CNTN3: variants seen among roughly 807,000 people sequenced by gnomAD.
CNTN3 encodes contactin 3.
Under a neutral mutation model 119.1 loss-of-function variants are expected in CNTN3, and 60 were observed. The ratio of observed to expected loss-of-function variants is 0.50; its 90% CI spans 0.41 to 0.62. CNTN3 has a LOEUF of 0.62. Ranked by LOEUF, CNTN3 falls within the 20% of genes least tolerant of loss-of-function variation. CNTN3 has a pLI of 0.00. For missense variants in CNTN3, 1,101 were observed against 1,242.4 expected (o/e 0.89, Z 1.71); for synonymous variants, 450 against 438.7 (o/e 1.03, Z -0.32).
chr3:74,424,653 C>T (rs1350302879), intron 5 of CNTN3, among the ~76,000 whole-genome samples, 192 bp downstream of exon 5: 2 of 152,094 alleles, frequency 1.3e-5, no homozygotes, highest in African/African-American at 4.8e-5. Flanking sequence ...GTCAATGAGT[C>T]GATTGTTTAG....
intron 11 of CNTN3, among the ~76,000 whole-genome samples, chr3:74,359,343 A>AT (rs1208514434): frequency 2.6e-5 from 4 of 152,200 alleles, no homozygotes; most frequent in African/African-American, 9.7e-5. Flanking sequence ...CTAAATCCTG[A>AT]TTTTGCAGCG....
chr3:74,557,029 T>C (rs1405217226), intron 1 of CNTN3, among the ~76,000 whole-genome samples: 2 of 152,146 alleles, frequency 1.3e-5, no homozygotes, highest in Admixed American at 6.6e-5. Context: ...TGTATTCTAA[T>C]ATAAGTCCCT....
At chr3:74,537,093 T>C (rs1247725090) in intron 1 of CNTN3, among the ~76,000 whole-genome samples, 2 of 152,038 alleles carry the variant, frequency 1.3e-5, no homozygotes, top group East Asian at 1.9e-4. Context: ...CATACTCTTA[T>C]GGAGGAGGAA....
intron 4 of CNTN3, among the ~76,000 whole-genome samples, chr3:74,479,983 T>C (rs1027320183): frequency 1.8e-4 from 27 of 152,102 alleles, no homozygotes; most frequent in African/African-American, 6.5e-4. Context: ...AGAAAAATCA[T>C]GCATGAAAGG....
chr3:74,414,962 T>C (rs1176775684), intron 5 of CNTN3, among the ~76,000 whole-genome samples: 1 of 148,850 alleles, frequency 6.7e-6, no homozygotes, highest in Admixed American at 6.8e-5. Context: ...GCCTTTACCA[T>C]TCTTGACTTA....
At chr3:74,548,912 G>A (rs1171823181) in intron 1 of CNTN3, among the ~76,000 whole-genome samples, 1 of 152,070 alleles carries the variant, frequency 6.6e-6, no homozygotes, top group Non-Finnish European at 1.5e-5. Context: ...TACATTCATG[G>A]TCTTACCCTA....
At chr3:74,481,957 A>G (rs1048319824) in intron 4 of CNTN3, among the ~76,000 whole-genome samples, 1 of 151,818 alleles carries the variant, frequency 6.6e-6, no homozygotes, top group Non-Finnish European at 1.5e-5. Flanking sequence ...AATGGATAAA[A>G]TTCCTGGAAA....
chr3:74,518,734 G>A (rs563446629), intron 2 of CNTN3, among the ~76,000 whole-genome samples: 2 of 152,048 alleles, frequency 1.3e-5, no homozygotes, highest in East Asian at 1.9e-4. Flanking sequence ...ATTAAGGGAA[G>A]ACTAGTACAG....
chr3:74,591,362 G>T (rs1364109260), intron 1 of CNTN3, among the ~76,000 whole-genome samples: 1 of 151,882 alleles, frequency 6.6e-6, no homozygotes, highest in African/African-American at 2.4e-5. Flanking sequence ...ATGCCAGGTT[G>T]GCAGTTTTTT....
intron 1 of CNTN3, among the ~76,000 whole-genome samples, chr3:74,572,650 C>A (rs939836832): frequency 1.3e-5 from 2 of 152,198 alleles, no homozygotes; most frequent in Non-Finnish European, 2.9e-5. Context: ...TTCTCTGTAA[C>A]AGCCAGGAAA....
At chr3:74,386,093 G>A (rs74514135) in intron 5 of CNTN3, among the ~76,000 whole-genome samples, 1,604 of 152,248 alleles carry the variant, frequency 0.011, 21 homozygotes, top group African/African-American at 0.037. Flanking sequence ...ATAGTTGGAA[G>A]GATCTGAATC....
chr3:74,567,021 A>G (rs958637520), intron 1 of CNTN3, among the ~76,000 whole-genome samples: 3 of 152,204 alleles, frequency 2.0e-5, no homozygotes, highest in Non-Finnish European at 4.4e-5. Context: ...CATAGAAGTC[A>G]GCCTCTTGGG....
At chr3:74,433,877 A>C (rs1166044768) in intron 4 of CNTN3, among the ~76,000 whole-genome samples, 1 of 151,866 alleles carries the variant, frequency 6.6e-6, no homozygotes, top group African/African-American at 2.4e-5. Flanking sequence ...ATATTTTCCC[A>C]CCTTGTTCTT....
chr3:74,453,226 C>A (rs1702195470), intron 4 of CNTN3, among the ~76,000 whole-genome samples: 1 of 137,058 alleles, frequency 7.3e-6, no homozygotes, highest in East Asian at 2.0e-4. Flanking sequence ...GATTCAACTT[C>A]TTCCTGGTTT....
intron 4 of CNTN3, among the ~76,000 whole-genome samples, chr3:74,485,920 G>A (rs975781673): frequency 1.3e-5 from 2 of 151,986 alleles, no homozygotes; most frequent in Non-Finnish European, 2.9e-5. Flanking sequence ...CTGTGCTGAG[G>A]GTAATTTGTG....
intron 1 of CNTN3, among the ~76,000 whole-genome samples, chr3:74,556,846 A>G (rs1704076972): frequency 6.6e-6 from 1 of 152,148 alleles, no homozygotes; most frequent in Non-Finnish European, 1.5e-5. Flanking sequence ...ATGGGTGTGA[A>G]ATATATTTCA....
At chr3:74,449,889 T>C (rs1446989441) in intron 4 of CNTN3, among the ~76,000 whole-genome samples, 1 of 152,298 alleles carries the variant, frequency 6.6e-6, no homozygotes, top group East Asian at 1.9e-4. Flanking sequence ...AAAAGAAGTA[T>C]TTTAATGTTC....
intron 11 of CNTN3, among the ~76,000 whole-genome samples, chr3:74,352,024 A>G (rs1479779746): frequency 6.6e-6 from 1 of 152,194 alleles, no homozygotes; most frequent in African/African-American, 2.4e-5. Flanking sequence ...CATCTCAATC[A>G]TCTCTTTAAG....
Position 74,485,880 on chromosome 3 carries a change from T to C in CNTN3, c.358+576A>G, listed in dbSNP as rs147519740. Among the ~76,000 whole-genome samples, 562 of 152,256 alleles carry C rather than the reference T, an allele frequency of 3.7e-3. 3 individuals carry two copies. The highest frequency in any genetic ancestry group is 5.1e-3 in the Non-Finnish European group (344 of 68,010). On this transcript the variant is annotated intron_variant, in intron 4 of 22. Transcript: ENST00000263665. ...TAGGTCCAAATAACATGGTACAAAATGGCTCCCAGAGCCCAGGCGTCAGTG... is the reference window on the plus strand; with the variant it reads ...TAGGTCCAAATAACATGGTACAAAACGGCTCCCAGAGCCCAGGCGTCAGTG...
Sources: allele counts gnomAD v4.1 joint callset (sites outside exome capture counted in the v4.1 genomes callset), GRCh38; gene constraint gnomAD v4.1.1; transcripts MANE v1.5; gene names NCBI Gene and HGNC (gene_info 2026-07-23, HGNC 2026-07-21).